SLC15A1: variants seen among roughly 807,000 people sequenced by gnomAD.
SLC15A1 encodes the protein solute carrier family 15 member 1.
SLC15A1 carries 83 observed loss-of-function variants against 92.9 expected under a neutral mutation model. That is an observed-to-expected ratio of 0.89 (90% confidence interval 0.75 to 1.07). SLC15A1 has a LOEUF of 1.07. Ranked by LOEUF, SLC15A1 falls within the 50% of genes least tolerant of loss-of-function variation. SLC15A1 has a pLI of 0.00. For missense variants in SLC15A1, 857 were observed against 880.1 expected (o/e 0.97, Z 0.33); for synonymous variants, 322 against 318.2 (o/e 1.01, Z -0.13).
intron 15 of SLC15A1, among the ~76,000 whole-genome samples, chr13:98,708,241 G>A (rs1258052047): frequency 6.6e-6 from 1 of 152,110 alleles, no homozygotes; most frequent in Non-Finnish European, 1.5e-5. Flanking sequence ...CATTAGTCTA[G>A]TTTAGCCCAC....
chr13:98,723,872 G>C (rs145502309), intron 5 of SLC15A1, 40 bp downstream of exon 5: 1 of 1,612,684 alleles, frequency 6.2e-7, no homozygotes, highest in African/African-American at 1.3e-5. Flanking sequence ...ATGCGCACAA[G>C]GTGGGAGGGT....
At chr13:98,697,615 CTTTT>C (rs11347963) in intron 18 of SLC15A1, among the ~76,000 whole-genome samples, 1 of 125,036 alleles carries the variant, frequency 8.0e-6, no homozygotes, top group Non-Finnish European at 1.6e-5. Context: ...CTGGCTGATG[CTTTT>C]TTTTTTTTTT....
At chr13:98,718,300 C>CTTTTTTTTTTTTTT (rs532286337) in intron 8 of SLC15A1, among the ~76,000 whole-genome samples, 1 of 84,128 alleles carries the variant, frequency 1.2e-5, no homozygotes, top group African/African-American at 6.8e-5. Context: ...TCACCTTCAT[C>CTTTTTTTTTTTTTT]TTTTTTTTTT....
intron 1 of SLC15A1, among the ~76,000 whole-genome samples, chr13:98,744,818 C>T (rs2088480250): frequency 1.3e-5 from 2 of 150,146 alleles, no homozygotes; most frequent in Non-Finnish European, 2.9e-5. Flanking sequence ...ATTTGGGTTG[C>T]ACATGGCTCT....
intron 14 of SLC15A1, 136 bp downstream of exon 14, chr13:98,709,436 A>G (rs1261066284): frequency 4.4e-6 from 3 of 676,112 alleles, no homozygotes; most frequent in African/African-American, 1.8e-5. Context: ...TCAGCACACG[A>G]ACATTTGTTT....
At chr13:98,696,374 G>T (rs1025103311) in intron 18 of SLC15A1, among the ~76,000 whole-genome samples, 14 of 151,764 alleles carry the variant, frequency 9.2e-5, no homozygotes, top group African/African-American at 2.9e-4. Flanking sequence ...GATGGCACCA[G>T]TGCACTCCAG....
intron 2 of SLC15A1, 78 bp downstream of exon 2, chr13:98,726,765 T>C (rs764932201): frequency 3.6e-6 from 5 of 1,381,242 alleles, no homozygotes; most frequent in Non-Finnish European, 5.2e-6. Flanking sequence ...ATCTGTTAGG[T>C]GAATGAACCC....
At chr13:98,732,014 T>G (rs1197678713) in intron 1 of SLC15A1, among the ~76,000 whole-genome samples, 2 of 152,244 alleles carry the variant, frequency 1.3e-5, no homozygotes, top group Admixed American at 6.5e-5. Context: ...AGCTATCTAC[T>G]GGGTGTAACA....
chr13:98,712,683 G>C, intron 9 of SLC15A1, 99 bp from the exon 10 acceptor site: 1 of 777,848 alleles, frequency 1.3e-6, no homozygotes, highest in East Asian at 2.5e-5. Context: ...AAATATACGT[G>C]TGAGAAAAGC....
At chr13:98,723,801 G>C (rs1482665606) in intron 5 of SLC15A1, 111 bp downstream of exon 5, 4 of 1,490,316 alleles carry the variant, frequency 2.7e-6, no homozygotes, top group East Asian at 4.6e-5. Context: ...CAAGGGGGAG[G>C]AAAAACCTCC....
intron 14 of SLC15A1, 36 bp downstream of exon 14, chr13:98,709,536 G>A (rs1217330733): frequency 1.3e-6 from 2 of 1,584,538 alleles, no homozygotes; most frequent in East Asian, 2.2e-5. Context: ...CTGGGACCAA[G>A]GGAGCCTCAA....
At chr13:98,707,299 T>C (rs1455948854) in intron 15 of SLC15A1, among the ~76,000 whole-genome samples, 2 of 152,158 alleles carry the variant, frequency 1.3e-5, no homozygotes, top group East Asian at 1.9e-4. Flanking sequence ...ATACACACAA[T>C]GGGTTTAGTA....
chr13:98,691,334 C>T (rs1255381330), intron 18 of SLC15A1, among the ~76,000 whole-genome samples: 1 of 152,222 alleles, frequency 6.6e-6, no homozygotes, highest in African/African-American at 2.4e-5. Context: ...CCATCACACC[C>T]GGCCACTTCA....
At chr13:98,731,417 C>T (rs763217294) in intron 1 of SLC15A1, among the ~76,000 whole-genome samples, 9 of 152,226 alleles carry the variant, frequency 5.9e-5, no homozygotes, top group South Asian at 2.1e-4. Flanking sequence ...CTTGAGGACA[C>T]GGCAACAGCA....
chr13:98,687,295 T>A (rs1420615248), intron 21 of SLC15A1, among the ~76,000 whole-genome samples: 1 of 152,100 alleles, frequency 6.6e-6, no homozygotes, highest in Non-Finnish European at 1.5e-5. Context: ...CCTTCATCAC[T>A]CTGGTAGCAG....
intron 8 of SLC15A1, 69 bp from the exon 9 acceptor site, chr13:98,716,029 G>T: frequency 1.6e-6 from 2 of 1,249,270 alleles, no homozygotes; most frequent in African/African-American, 1.5e-5. Flanking sequence ...AGAGAGATGC[G>T]CCTTTATTTG....
chr13:98,747,718 T>TA (rs749916783), intron 1 of SLC15A1, among the ~76,000 whole-genome samples: 1 of 152,002 alleles, frequency 6.6e-6, no homozygotes, highest in Non-Finnish European at 1.5e-5. Flanking sequence ...CCGTCTCTAC[T>TA]AAAAATACAA....
intron 20 of SLC15A1, among the ~76,000 whole-genome samples, 188 bp from the exon 21 acceptor site, chr13:98,687,912 T>G (rs769223772): frequency 6.6e-6 from 1 of 152,170 alleles, no homozygotes; most frequent in Non-Finnish European, 1.5e-5. Context: ...TTCAGGAGGA[T>G]TTTTCTTTTA....
In SLC15A1 at chr13:98,686,269, T is replaced by C; in HGVS notation, c.1856A>G (p.Gln619Arg). ...QAPSNMKSVL[Q>R]AGWLLTVAVG... ...AGCCACGGTCAGCAGCCATCCTGCC[T>C]GAAGCACCGACTTCATGTTGGAAGG... is the stretch of plus-strand genomic sequence containing the variant. The change falls in exon 22 of 23, where the codon CAG becomes CGG. Residue 619 changes from glutamine (Q) to arginine (R), a missense_variant. Gln to Arg is a conservative substitution (Grantham distance 43). Transcript: ENST00000376503. The C allele has an allele frequency of 1.2e-6, 2 of 1,612,790 alleles. No homozygotes were observed. The highest frequency in any genetic ancestry group is 1.7e-6 in the Non-Finnish European group (2 of 1,179,514).
Sources: allele counts gnomAD v4.1 joint callset (sites outside exome capture counted in the v4.1 genomes callset), GRCh38; gene constraint gnomAD v4.1.1; transcripts MANE v1.5; gene names NCBI Gene and HGNC (gene_info 2026-07-23, HGNC 2026-07-21).